HEPHL1: variants seen among roughly 807,000 people sequenced by gnomAD.
HEPHL1 encodes the protein hephaestin like 1, also known as ferroxidase HEPHL1.
Under a neutral mutation model 122.0 loss-of-function variants are expected in HEPHL1, and 123 were observed. That is an observed-to-expected ratio of 1.01 (90% confidence interval 0.87 to 1.17). HEPHL1 has a LOEUF of 1.17. Ranked by LOEUF, HEPHL1 falls within the 50% of genes most tolerant of loss-of-function variation. The pLI, the probability that HEPHL1 is intolerant of heterozygous loss-of-function variation, is 0.00. For synonymous variants in HEPHL1, 527 were observed against 508.9 expected, an observed-to-expected ratio of 1.04 and a Z score of -0.48; for missense variants, 1,452 against 1,430.5, an observed-to-expected ratio of 1.01 and a Z score of -0.24.
At position 94,045,706 on chromosome 11, in the gene HEPHL1, C is replaced by G. The variant is rs373750549; in HGVS notation, c.204C>G (p.Asn68Lys). 6.8e-6 allele frequency: 11 copies of G among 1,611,392 alleles called. No homozygotes were observed. The Admixed American group carries it at 1.5e-4, about 22-fold the overall frequency. The change falls in exon 2 of 20, where the codon AAC becomes AAG. Residue 68 changes from asparagine to lysine, a missense_variant. Physicochemically the swap from Asn to Lys is moderately conservative, Grantham distance 94 (BLOSUM62 0). Coordinates refer to ENST00000315765, the MANE Select transcript of HEPHL1 (RefSeq NM_001098672.2). ...LATLFLERGPNRIGSIYKKAV... is the reference protein window; with the variant it reads ...LATLFLERGPKRIGSIYKKAV... Reference sequence around the variant, plus strand: ...CCTTATTTCTCGAAAGAGGGCCCAACAGGATAGGCAGTATTTACAAAAAGG... The same window carrying G: ...CCTTATTTCTCGAAAGAGGGCCCAAGAGGATAGGCAGTATTTACAAAAAGG...
At chr11:94,087,527 C>A (rs1946228068) in intron 11 of HEPHL1, among the ~76,000 whole-genome samples, 1 of 152,118 alleles carries the variant, frequency 6.6e-6, no homozygotes, top group South Asian at 2.1e-4. Context: ...CTATATGCTG[C>A]AACTCAAACA....
intron 17 of HEPHL1, among the ~76,000 whole-genome samples, chr11:94,106,531 G>C (rs1591490784): frequency 6.6e-6 from 1 of 151,896 alleles, no homozygotes; most frequent in Non-Finnish European, 1.5e-5. Flanking sequence ...TCCTGACCTC[G>C]TGATCTGCCC....
intron 17 of HEPHL1, among the ~76,000 whole-genome samples, chr11:94,108,547 G>T (rs935785049): frequency 1.3e-5 from 2 of 151,822 alleles, no homozygotes; most frequent in Non-Finnish European, 2.9e-5. Context: ...TAGATTTAGG[G>T]CTCTGATACA....
intron 1 of HEPHL1, among the ~76,000 whole-genome samples, chr11:94,035,139 C>T (rs1199552280): frequency 6.6e-6 from 1 of 152,132 alleles, no homozygotes; most frequent in East Asian, 1.9e-4. Flanking sequence ...CCTGAACTGA[C>T]CTCTAATTCT....
intron 16 of HEPHL1, 52 bp from the exon 17 acceptor site, chr11:94,105,939 A>ATGTT: frequency 7.8e-7 from 1 of 1,285,198 alleles, no homozygotes; most frequent in East Asian, 2.4e-5. Flanking sequence ...CATTTAAAAA[A>ATGTT]TCAGCTTATC....
chr11:94,065,550 T>C (rs1252888717), intron 4 of HEPHL1, among the ~76,000 whole-genome samples: 2 of 152,124 alleles, frequency 1.3e-5, no homozygotes, highest in Non-Finnish European at 2.9e-5. Context: ...TTCCTTCTAG[T>C]GGTATTTTGG....
chr11:94,074,658 A>G (rs1303379475), intron 8 of HEPHL1, among the ~76,000 whole-genome samples: 2 of 152,088 alleles, frequency 1.3e-5, no homozygotes, highest in Non-Finnish European at 2.9e-5. Context: ...TCAGACAAAA[A>G]CTGAGTTTGA....
In HEPHL1 at chr11:94,073,077, T is replaced by C. The variant is rs745921937; in HGVS notation, c.1285T>C (p.Trp429Arg). The C allele has an allele frequency of 6.2e-7, 1 of 1,612,938 alleles. No individual in the cohort carries two copies. The highest frequency in any genetic ancestry group is 2.2e-5 in the East Asian group (1 of 44,872). Reference sequence around the variant, plus strand: ...GGACAACAGAATAGGAGGAAAATACTGGAAGGTTCGGTATACTGAATTTGT... The same window carrying C: ...GGACAACAGAATAGGAGGAAAATACCGGAAGGTTCGGTATACTGAATTTGT... ...QGDNRIGGKY[W>R]KVRYTEFVDA... The change falls in exon 7 of 20, where the codon TGG (tryptophan) becomes CGG (arginine). Residue 429 changes from tryptophan (W) to arginine (R), a missense_variant. Trp to Arg is a moderately radical substitution (Grantham distance 101). Coordinates refer to ENST00000315765, the MANE Select transcript of HEPHL1 (RefSeq NM_001098672.2).
rs780123317 is a variant in HEPHL1 at position 94,022,160 on chromosome 11, C to T, written c.170+622C>T. Among the ~76,000 whole-genome samples, 58 of 152,116 alleles carry T rather than the reference C, an allele frequency of 3.8e-4. 4 individuals are homozygous for T. The highest frequency in any genetic ancestry group is 1.2e-4 in the Non-Finnish European group (8 of 68,028). On this transcript the variant is annotated intron_variant, in intron 1 of 19. Transcript: ENST00000315765. The stretch of plus-strand genomic sequence containing the variant: ...CCTATAGCATAGCTAGGTGAGATGG[C>T]GCCACGGTGTTCTATGTTCCTGATT...
chr11:94,094,323 T>C (rs962787878), intron 13 of HEPHL1, among the ~76,000 whole-genome samples: 9 of 152,142 alleles, frequency 5.9e-5, no homozygotes, highest in East Asian at 1.9e-4. Flanking sequence ...ACAAAGGACA[T>C]GAACTCATCA....
intron 14 of HEPHL1, 102 bp downstream of exon 14, chr11:94,101,437 T>G: frequency 8.5e-7 from 1 of 1,172,642 alleles, no homozygotes; most frequent in South Asian, 1.6e-5. Context: ...AATGTCAATG[T>G]GTTTCAGCCA....
chr11:94,057,109 A>G, intron 2 of HEPHL1, among the ~76,000 whole-genome samples: 1 of 152,174 alleles, frequency 6.6e-6, no homozygotes, highest in East Asian at 1.9e-4. Context: ...TCAGATAAGA[A>G]GTCAACCATT....
chr11:94,093,995 TATATATATATATATATATAA>T (rs1449568576), intron 13 of HEPHL1, among the ~76,000 whole-genome samples: 10 of 89,380 alleles, frequency 1.1e-4, no homozygotes, highest in African/African-American at 3.9e-4. Flanking sequence ...TATATATATA[TATATATATATATATATATAA>T]AACTTTAAGT....
chr11:94,088,809 A>T lies in HEPHL1; in HGVS notation c.2135A>T (p.Gln712Leu). 6.2e-7 allele frequency: 1 copy of T among 1,614,024 alleles called. No homozygotes were observed. The highest frequency in any genetic ancestry group is 1.3e-5 in the African/African-American group (1 of 75,060). The change falls in exon 12 of 20, where the codon CAG becomes CTG. Residue 712 changes from glutamine (Q) to leucine (L), a missense_variant. Transcript: ENST00000315765. The part of the protein sequence containing the change: ...TMPHLSRGMG[Q>L]IYEVSSCDNR... ...CCCCACCTCTCGAGAGGCATGGGTC[A>T]GATCTATGAGGTCAGCAGCTGTGAC...
intron 1 of HEPHL1, among the ~76,000 whole-genome samples, chr11:94,039,845 A>G (rs1206552807): frequency 8.4e-6 from 1 of 118,736 alleles, no homozygotes; most frequent in African/African-American, 3.5e-5. Context: ...TTCAAAAGCT[A>G]GCAGAAGGCA....
At chr11:94,046,459 T>G (rs1168477921) in intron 2 of HEPHL1, among the ~76,000 whole-genome samples, 1 of 150,072 alleles carries the variant, frequency 6.7e-6, no homozygotes, top group Non-Finnish European at 1.5e-5. Context: ...CTTCTTTATG[T>G]TGACACAGAA....
At chr11:94,043,877 T>C (rs1945809572) in intron 1 of HEPHL1, among the ~76,000 whole-genome samples, 1 of 152,018 alleles carries the variant, frequency 6.6e-6, no homozygotes, top group South Asian at 2.1e-4. Flanking sequence ...GCAGGGGCTT[T>C]GTCTTTTTTC....
chr11:94,096,252 G>A (rs1279585432), intron 13 of HEPHL1, among the ~76,000 whole-genome samples: 3 of 152,108 alleles, frequency 2.0e-5, no homozygotes, highest in Admixed American at 6.5e-5. Context: ...TTTTTCTAAG[G>A]TCTGTTCTGC....
intron 13 of HEPHL1, among the ~76,000 whole-genome samples, chr11:94,099,943 T>C (rs557688461): frequency 1.3e-5 from 2 of 152,268 alleles, no homozygotes; most frequent in Non-Finnish European, 2.9e-5. Flanking sequence ...GGGAATTCCC[T>C]GACCCCTTGT....
Sources: allele counts gnomAD v4.1 joint callset (sites outside exome capture counted in the v4.1 genomes callset), GRCh38; gene constraint gnomAD v4.1.1; transcripts MANE v1.5; gene names NCBI Gene and HGNC (gene_info 2026-07-23, HGNC 2026-07-21).